CHCHD6: variants seen among roughly 807,000 people sequenced by gnomAD.
CHCHD6 encodes the protein coiled-coil-helix-coiled-coil-helix domain containing 6.
In CHCHD6, 28 loss-of-function variants were observed where a neutral mutation model predicts 32.3. The observed-to-expected ratio is 0.87, with a 90% CI of 0.64 to 1.19. CHCHD6 has a LOEUF of 1.19. CHCHD6 is among the 50% of genes most tolerant of loss of function. The pLI is 0.00. For synonymous variants in CHCHD6, 122 were observed against 117.5 expected, an observed-to-expected ratio of 1.04 and a Z score of -0.25; for missense variants, 333 against 307.0, an observed-to-expected ratio of 1.08 and a Z score of -0.63.
chr3:126,818,732 A>G (rs1036273069), intron 4 of CHCHD6, among the ~76,000 whole-genome samples: 1 of 152,228 alleles, frequency 6.6e-6, no homozygotes, highest in Non-Finnish European at 1.5e-5. Context: ...GCAGGGGATC[A>G]TCAAACAGCA....
chr3:126,895,512 G>A (rs1194668309), intron 5 of CHCHD6, among the ~76,000 whole-genome samples: 24 of 152,226 alleles, frequency 1.6e-4, no homozygotes, highest in Admixed American at 1.6e-3. Context: ...AGATACTTGG[G>A]TGGAAATGTC....
intron 5 of CHCHD6, among the ~76,000 whole-genome samples, chr3:126,890,249 G>A (rs150747070): frequency 5.8e-4 from 89 of 152,370 alleles, no homozygotes; most frequent in African/African-American, 2.0e-3. Flanking sequence ...ACAAGGGCTG[G>A]AGGCTCAGCC....
At position 126,704,279 on chromosome 3, in the gene CHCHD6, G is replaced by A. The variant is rs755642296; in HGVS notation, c.-34G>A. The A allele has an allele frequency of 1.3e-6, 2 of 1,572,766 alleles. No individual in the cohort carries two copies. The highest frequency in any genetic ancestry group is 2.2e-5 in the East Asian group (1 of 44,488). On this transcript the variant is annotated 5_prime_UTR_variant, in exon 1 of 8. Coordinates refer to ENST00000290913, the MANE Select transcript of CHCHD6 (RefSeq NM_032343.3). Reference sequence around the variant, plus strand: ...CCGGTTGCTCTGGAGCCGGGTCTCGGGTCTGGTGGCTGCCGGCCCTGCGGC... The same window carrying A: ...CCGGTTGCTCTGGAGCCGGGTCTCGAGTCTGGTGGCTGCCGGCCCTGCGGC...
At chr3:126,743,904 GAT>G (rs1033840173) in intron 4 of CHCHD6, among the ~76,000 whole-genome samples, 3 of 152,146 alleles carry the variant, frequency 2.0e-5, no homozygotes, top group African/African-American at 7.2e-5. Context: ...AACCTGATTG[GAT>G]CGGTGCCATC....
intron 6 of CHCHD6, among the ~76,000 whole-genome samples, chr3:126,929,605 A>C (rs947218933): frequency 5.9e-5 from 9 of 151,746 alleles, no homozygotes; most frequent in Non-Finnish European, 1.0e-4. Context: ...TCGCTCTGTC[A>C]CCCAGGCTGG....
At chr3:126,730,997 A>G (rs769452018) in intron 3 of CHCHD6, among the ~76,000 whole-genome samples, 9 of 146,706 alleles carry the variant, frequency 6.1e-5, no homozygotes, top group Non-Finnish European at 8.9e-5. Flanking sequence ...AGTCCCAGTT[A>G]CTCGGGAGGC....
chr3:126,716,269 T>G (rs1434950066), intron 1 of CHCHD6, among the ~76,000 whole-genome samples: 2 of 152,216 alleles, frequency 1.3e-5, no homozygotes, highest in East Asian at 3.9e-4. Context: ...GTGGTGCTCC[T>G]TGGAGCTCCC....
chr3:126,960,190 T>C lies in CHCHD6; in HGVS notation c.703-6T>C, dbSNP rs942821709. On this transcript the variant is annotated splice_region_variant and splice_polypyrimidine_tract_variant and intron_variant, in intron 7 of 7. Coordinates refer to ENST00000290913, the MANE Select transcript of CHCHD6 (RefSeq NM_032343.3). Reference sequence around the variant, plus strand: ...CTGACTCAACTCTGACCTGTTCTCTTTGTAGGGCTGAGGAGCAGACATCAT... The same window carrying C: ...CTGACTCAACTCTGACCTGTTCTCTCTGTAGGGCTGAGGAGCAGACATCAT... The C allele has an allele frequency of 2.6e-6, 4 of 1,551,268 alleles. No homozygotes were observed. Among genetic ancestry groups the C allele is most frequent in the Non-Finnish European group, 3.5e-6 (4 of 1,146,852 alleles).
At chr3:126,919,164 A>G (rs2078209171) in intron 6 of CHCHD6, among the ~76,000 whole-genome samples, 2 of 88,446 alleles carry the variant, frequency 2.3e-5, no homozygotes, top group Non-Finnish European at 5.9e-5. Flanking sequence ...GAGATTGTGT[A>G]TTCTGTCAGT....
intron 4 of CHCHD6, among the ~76,000 whole-genome samples, chr3:126,769,058 A>G (rs924695938): frequency 5.9e-5 from 9 of 152,092 alleles, no homozygotes; most frequent in African/African-American, 2.2e-4. Flanking sequence ...TCCATTTGCC[A>G]ATTTTTGTTT....
chr3:126,809,995 A>G (rs1939588565), intron 4 of CHCHD6, among the ~76,000 whole-genome samples: 1 of 152,224 alleles, frequency 6.6e-6, no homozygotes, highest in South Asian at 2.1e-4. Context: ...AAATCCATGC[A>G]TAGTTTTAAA....
At chr3:126,809,977 A>C (rs1939587840) in intron 4 of CHCHD6, among the ~76,000 whole-genome samples, 1 of 152,212 alleles carries the variant, frequency 6.6e-6, no homozygotes, top group Admixed American at 6.5e-5. Context: ...TTTGGTGTCA[A>C]AAAATTGAAA....
rs145014711 is a variant in CHCHD6 at position 126,923,031 on chromosome 3, G to A, written c.566+8281G>A. 4.6e-5 allele frequency among the ~76,000 whole-genome samples: 7 copies of A among 152,270 alleles called. No homozygotes were observed. The East Asian group carries it at 1.4e-3, about 29-fold the overall frequency. On this transcript the variant is annotated intron_variant, in intron 6 of 7. Coordinates refer to ENST00000290913, the MANE Select transcript of CHCHD6 (RefSeq NM_032343.3). ...AGGCTGCTTCTGTCTTGTCCCCAGG[G>A]CAGATGTCACACAGGGACCCCAGTG...
At position 126,835,021 on chromosome 3, in the gene CHCHD6, G is replaced by A. The variant is rs9858873; in HGVS notation, c.412-17626G>A. ...CTGGTTGAGACTAGGTCAAGGAAAA[G>A]TGTTTTTCCAGTTTCTAATATCCAT... is the stretch of plus-strand genomic sequence containing the variant. On this transcript the variant is annotated intron_variant, in intron 4 of 7. Coordinates refer to ENST00000290913, the MANE Select transcript of CHCHD6 (RefSeq NM_032343.3). Among the ~76,000 whole-genome samples the A allele has an allele frequency of 3.8e-3, 581 of 152,292 alleles. 3 individuals carry two copies. The highest frequency in any genetic ancestry group is 0.014 in the African/African-American group (562 of 41,546).
chr3:126,717,941 C>G (rs1576332092), intron 1 of CHCHD6, among the ~76,000 whole-genome samples: 1 of 152,122 alleles, frequency 6.6e-6, no homozygotes. Flanking sequence ...AGAGTCTCTT[C>G]CTGGACTTCA....
intron 6 of CHCHD6, among the ~76,000 whole-genome samples, chr3:126,925,208 G>T (rs1375289429): frequency 6.6e-6 from 1 of 152,212 alleles, no homozygotes; most frequent in East Asian, 1.9e-4. Context: ...GGGCTGTGCT[G>T]TGCAGGCAGG....
At chr3:126,883,377 G>A (rs987473903) in intron 5 of CHCHD6, among the ~76,000 whole-genome samples, 1 of 152,210 alleles carries the variant, frequency 6.6e-6, no homozygotes, top group Non-Finnish European at 1.5e-5. Context: ...CAACTTGTGG[G>A]ATCTGCCACT....
intron 6 of CHCHD6, among the ~76,000 whole-genome samples, chr3:126,927,752 A>T (rs971960056): frequency 2.6e-5 from 4 of 152,166 alleles, no homozygotes; most frequent in African/African-American, 9.7e-5. Flanking sequence ...ATTAAATGTT[A>T]TTACAGTTGA....
chr3:126,901,453 T>G (rs527241603), intron 5 of CHCHD6, among the ~76,000 whole-genome samples: 1 of 152,320 alleles, frequency 6.6e-6, no homozygotes, highest in South Asian at 2.1e-4. Context: ...CCTGTGGATC[T>G]GGAGCTGTAG....
Sources: allele counts gnomAD v4.1 joint callset (sites outside exome capture counted in the v4.1 genomes callset), GRCh38; gene constraint gnomAD v4.1.1; transcripts MANE v1.5; gene names NCBI Gene and HGNC (gene_info 2026-07-23, HGNC 2026-07-21).